The following EPS8 variants were observed in gnomAD, a reference collection of about 807,000 sequenced individuals.
EPS8 encodes EGFR pathway substrate 8, signaling adaptor, also known as epidermal growth factor receptor kinase substrate 8.
A neutral mutation model predicts 103.8 loss-of-function variants in EPS8; 42 were observed. The ratio of observed to expected loss-of-function variants is 0.40; its 90% confidence interval spans 0.32 to 0.52. EPS8 has a LOEUF of 0.52. EPS8 is among the 20% of genes least tolerant of loss of function. The pLI, the probability that EPS8 is intolerant of heterozygous loss-of-function variation, is 0.40. For missense variants in EPS8, 969 were observed against 1,005.1 expected (o/e 0.96, Z 0.49); for synonymous variants, 344 against 344.6 (o/e 1.00, Z 0.02).
In EPS8 at chr12:15,669,387, C is replaced by G. The variant is rs1395353418; in HGVS notation, c.516G>C (p.Lys172Asn). 6.2e-7 allele frequency: 1 copy of G among 1,607,578 alleles called. No homozygotes were observed. The highest frequency in any genetic ancestry group is 8.5e-7 in the Non-Finnish European group (1 of 1,178,130). ...DLHLFQCDEV[K>N]ANLISEDIES... The stretch of plus-strand genomic sequence containing the variant: ...AACAAAAATTTCACCATTCTTTTAC[C>G]TTAACCTCATCACACTGGAAGAGAT... The change falls in exon 6 of 21, where the codon AAG (lysine) becomes AAC (asparagine). Residue 172 changes from lysine to asparagine, a missense_variant and splice_region_variant. Coordinates refer to ENST00000281172, the MANE Select transcript of EPS8 (RefSeq NM_004447.6).
At chr12:15,641,105 G>A (rs529080956) in intron 16 of EPS8, among the ~76,000 whole-genome samples, 1 of 152,106 alleles carries the variant, frequency 6.6e-6, no homozygotes, top group South Asian at 2.1e-4. Flanking sequence ...AAGTACTTAA[G>A]GACTAAAGTA....
intron 17 of EPS8, among the ~76,000 whole-genome samples, chr12:15,640,130 A>C: frequency 6.6e-6 from 1 of 152,262 alleles, no homozygotes; most frequent in East Asian, 1.9e-4. Flanking sequence ...TTCAATGAAC[A>C]AGAAGAGAGA....
At chr12:15,659,337 A>G (rs929425982) in intron 10 of EPS8, among the ~76,000 whole-genome samples, 1 of 152,142 alleles carries the variant, frequency 6.6e-6, no homozygotes, top group African/African-American at 2.4e-5. Context: ...CTGCTTCGAA[A>G]GCAGGGTTAA....
intron 1 of EPS8, among the ~76,000 whole-genome samples, chr12:15,711,087 T>C (rs1022197923): frequency 1.3e-5 from 2 of 151,276 alleles, no homozygotes; most frequent in Non-Finnish European, 2.9e-5. Context: ...TTTATTTTGG[T>C]AGAGACAAGG....
rs967399982 is a variant in EPS8 at position 15,776,050 on chromosome 12, T to A, written c.-22+13111A>T. Among the ~76,000 whole-genome samples, 1 of 152,292 alleles carries A rather than the reference T, an allele frequency of 6.6e-6. No homozygotes were observed. The highest frequency in any genetic ancestry group is 1.9e-4 in the East Asian group (1 of 5,188). The stretch of plus-strand genomic sequence containing the variant: ...ACAACAAACAAAACTCACCTTCACA[T>A]ACAAAGGGCAGTTCCATATGTATTT... On this transcript the variant is annotated intron_variant, in intron 1 of 20. Coordinates refer to ENST00000281172, the MANE Select transcript of EPS8 (RefSeq NM_004447.6). This position sits in a 1 kb window ranked among gnomAD's most constrained non-coding sequence, Gnocchi z 4.2.
At position 15,776,508 on chromosome 12, in the gene EPS8, C is replaced by T. The variant is rs1947208059; in HGVS notation, c.-22+12653G>A. 1.3e-5 allele frequency among the ~76,000 whole-genome samples: 2 copies of T among 152,122 alleles called. No individual in the cohort carries two copies. The highest frequency in any genetic ancestry group is 2.9e-5 in the Non-Finnish European group (2 of 68,026). Reference sequence around the variant, plus strand: ...ATGCATCAGCAAGCATTTGTTACACCTAATACCCAAAACCCAAATGATGCC... The same window carrying T: ...ATGCATCAGCAAGCATTTGTTACACTTAATACCCAAAACCCAAATGATGCC... On this transcript the variant is annotated intron_variant, in intron 1 of 20. Transcript: ENST00000281172. This position sits in a 1 kb window ranked among gnomAD's most constrained non-coding sequence, Gnocchi z 4.2.
At chr12:15,648,790 G>C (rs1342012625) in intron 14 of EPS8, among the ~76,000 whole-genome samples, 1 of 152,152 alleles carries the variant, frequency 6.6e-6, no homozygotes, top group Non-Finnish European at 1.5e-5. Flanking sequence ...ATGACTAACT[G>C]TGATGACTAC....
rs1947237689 is a variant in EPS8 at position 15,779,349 on chromosome 12, T to C, written c.-22+9812A>G. 6.6e-6 allele frequency among the ~76,000 whole-genome samples: 1 copy of C among 152,228 alleles called. No individual in the cohort carries two copies. Among genetic ancestry groups the C allele is most frequent in the South Asian group, 2.1e-4 (1 of 4,828 alleles). On this transcript the variant is annotated intron_variant, in intron 1 of 20. Transcript: ENST00000281172. The surrounding 1 kb of genome is among the most constrained non-coding windows in gnomAD (Gnocchi z 4.3). ...ATCTCTATCATCAAAAGTATATCTTTCTTTAAATTCTAAAAGAGCACTTAA... is the reference window on the plus strand; with the variant it reads ...ATCTCTATCATCAAAAGTATATCTTCCTTTAAATTCTAAAAGAGCACTTAA...
intron 10 of EPS8, among the ~76,000 whole-genome samples, 197 bp downstream of exon 10, chr12:15,660,417 C>T (rs1430757335): frequency 2.0e-5 from 3 of 152,110 alleles, no homozygotes; most frequent in Non-Finnish European, 4.4e-5. Context: ...GCACATGCCA[C>T]CATGCCCGGC....
chr12:15,743,839 C>A (rs891455852), intron 1 of EPS8, among the ~76,000 whole-genome samples: 2 of 152,122 alleles, frequency 1.3e-5, no homozygotes, highest in Admixed American at 6.5e-5. Context: ...ACCATTCAGG[C>A]CATAGGCATG....
chr12:15,654,490 A>G (rs886551970), intron 12 of EPS8, 197 bp from the exon 13 acceptor site: 1 of 591,854 alleles, frequency 1.7e-6, no homozygotes, highest in African/African-American at 1.9e-5. Flanking sequence ...TTTAAAACCT[A>G]AATGAAAGTT....
intron 20 of EPS8, among the ~76,000 whole-genome samples, chr12:15,622,449 C>CA (rs1944875269): frequency 2.0e-5 from 3 of 152,120 alleles, no homozygotes; most frequent in Non-Finnish European, 2.9e-5. Context: ...GATTATGGAT[C>CA]AATTTCATGC....
At chr12:15,665,733 G>A in intron 8 of EPS8, 23 bp downstream of exon 8, 1 of 1,612,594 alleles carries the variant, frequency 6.2e-7, no homozygotes, top group Non-Finnish European at 8.5e-7. Flanking sequence ...TGTTCAATAA[G>A]TATTAATTCT....
intron 3 of EPS8, 73 bp downstream of exon 3, chr12:15,681,153 C>A: frequency 1.4e-6 from 1 of 693,666 alleles, no homozygotes; most frequent in Non-Finnish European, 2.4e-6. Context: ...GGGTTCAAAC[C>A]ATGAGTTTGA....
chr12:15,666,407 A>C (rs771772063), intron 7 of EPS8, 33 bp downstream of exon 7: 1 of 1,527,074 alleles, frequency 6.5e-7, no homozygotes, highest in Non-Finnish European at 9.1e-7. Flanking sequence ...AAACAAATCA[A>C]TTCCACTCCT....
intron 3 of EPS8, among the ~76,000 whole-genome samples, chr12:15,678,883 T>C (rs904738052): frequency 1.5e-5 from 2 of 130,876 alleles, no homozygotes; most frequent in African/African-American, 3.1e-5. Flanking sequence ...CAATGCACTC[T>C]AGCTTGGGCA....
At chr12:15,685,290 C>G (rs976237844) in intron 1 of EPS8, among the ~76,000 whole-genome samples, 3 of 152,062 alleles carry the variant, frequency 2.0e-5, no homozygotes, top group Non-Finnish European at 4.4e-5. Context: ...AGAGATAATT[C>G]TTCGTCTTCC....
At chr12:15,627,485 A>C (rs1944969578) in intron 18 of EPS8, among the ~76,000 whole-genome samples, 1 of 152,144 alleles carries the variant, frequency 6.6e-6, no homozygotes, top group Admixed American at 6.5e-5. Context: ...CGAGACTTTG[A>C]GAATCATCAT....
At chr12:15,631,752 G>C in intron 17 of EPS8, 88 bp from the exon 18 acceptor site, 1 of 1,062,590 alleles carries the variant, frequency 9.4e-7, no homozygotes, top group Non-Finnish European at 1.3e-6. Context: ...GACATTGTTG[G>C]CTATTTTTAA....
Sources: gnomAD v4.1 joint callset for allele counts (sites outside exome capture counted in the v4.1 genomes callset) on GRCh38, gnomAD v4.1.1 for gene constraint, Gnocchi (gnomAD v3.1) non-coding constraint, MANE v1.5 for transcripts, NCBI Gene and HGNC (gene_info 2026-07-23, HGNC 2026-07-21) for gene names.